The following VAC14 variants were observed in gnomAD, a reference collection of about 807,000 sequenced individuals.
VAC14 encodes protein VAC14 homolog.
A neutral mutation model predicts 85.3 loss-of-function variants in VAC14; 47 were observed. The observed-to-expected ratio is 0.55, with a 90% CI of 0.44 to 0.70. VAC14 has a LOEUF of 0.70. Ranked by LOEUF, VAC14 falls within the 30% of genes least tolerant of loss-of-function variation. The pLI is 0.00. For synonymous variants in VAC14, 447 were observed against 430.5 expected (o/e 1.04, Z -0.47); for missense variants, 861 against 1,004.3 (o/e 0.86, Z 1.93).
intron 13 of VAC14, among the ~76,000 whole-genome samples, chr16:70,734,652 T>C (rs960473265): frequency 6.6e-6 from 1 of 152,172 alleles, no homozygotes; most frequent in African/African-American, 2.4e-5. Context: ...CTTTTGCATA[T>C]GGATATCTAA....
At chr16:70,702,242 C>T (rs548231712) in intron 14 of VAC14, among the ~76,000 whole-genome samples, 1 of 152,324 alleles carries the variant, frequency 6.6e-6, no homozygotes, top group African/African-American at 2.4e-5. Context: ...CAGGCCAAGC[C>T]CTGCCCAGAT....
chr16:70,690,757 G>A (rs932765364), intron 18 of VAC14: 2 of 985,352 alleles, frequency 2.0e-6, no homozygotes, highest in Non-Finnish European at 2.4e-6. Context: ...CGTCCTCTGG[G>A]CCCCACCCTG....
intron 9 of VAC14, chr16:70,772,943 A>G (rs1352803829): frequency 6.6e-6 from 1 of 152,240 alleles, no homozygotes; most frequent in Admixed American, 6.5e-5. Context: ...TGAACTTTAA[A>G]AACATTGTGT....
At chr16:70,763,294 A>C (rs1019020056) in intron 10 of VAC14, among the ~76,000 whole-genome samples, 2 of 152,126 alleles carry the variant, frequency 1.3e-5, no homozygotes, top group Non-Finnish European at 2.9e-5. Flanking sequence ...GAACCATGAT[A>C]ACCATGTTTT....
intron 10 of VAC14, chr16:70,771,778 G>A (rs1597984471): frequency 1.4e-5 from 3 of 217,234 alleles, no homozygotes; most frequent in East Asian, 2.1e-4. Flanking sequence ...ACAGGGTCTC[G>A]CCATGTTGCC....
intron 12 of VAC14, among the ~76,000 whole-genome samples, chr16:70,757,838 T>C (rs2031994219): frequency 6.6e-6 from 1 of 152,214 alleles, no homozygotes; most frequent in Non-Finnish European, 1.5e-5. Flanking sequence ...ATTTCATCCT[T>C]ATAACAAACC....
chr16:70,784,520 A>G (rs531293023), intron 4 of VAC14, among the ~76,000 whole-genome samples: 32 of 152,324 alleles, frequency 2.1e-4, no homozygotes, highest in African/African-American at 7.7e-4. Context: ...AGAGGTGTGG[A>G]AAGTGACAGG....
chr16:70,786,022 G>A lies in VAC14; in HGVS notation c.256-153C>T, dbSNP rs1193196327. ...AGACCCTTCCCAAGCCTCATTCCCA[G>A]GAGAGGGCCCATGCCTAGGGGACCA... On this transcript the variant is annotated intron_variant, in intron 2 of 18. Transcript: ENST00000261776. 4.5e-6 allele frequency: 6 copies of A among 1,327,946 alleles called. No individual in the cohort carries two copies. In the Admixed American group the frequency reaches 1.5e-4, roughly 34 times the overall value. 82.3% of individuals were successfully genotyped at this position (1,327,946 alleles called of 1,614,324 possible).
chr16:70,798,830 C>T (rs554385792), intron 1 of VAC14, among the ~76,000 whole-genome samples: 3 of 152,212 alleles, frequency 2.0e-5, no homozygotes, highest in Admixed American at 6.5e-5. Flanking sequence ...TATTTCCCCA[C>T]CGAAAATGTA....
chr16:70,756,726 G>T (rs1333527609), intron 12 of VAC14, among the ~76,000 whole-genome samples: 1 of 152,118 alleles, frequency 6.6e-6, no homozygotes. Flanking sequence ...GAGGCACCGG[G>T]CCACCTTGGA....
In VAC14 at chr16:70,783,063, T is replaced by C; in HGVS notation, c.781A>G (p.Asn261Asp). 1.9e-6 allele frequency: 3 copies of C among 1,614,202 alleles called. No individual in the cohort carries two copies. Among genetic ancestry groups the C allele is most frequent in the East Asian group, 2.2e-5 (1 of 44,884 alleles). Residue 261 changes from asparagine (N) to aspartate (D), a missense_variant, in exon 7 of 19, where the codon AAC becomes GAC. Asn to Asp is a conservative substitution (Grantham distance 23). This residue lies in a region of VAC14 where 629 missense variants were observed against 703.1 expected (regional missense o/e 0.89). Coordinates refer to ENST00000261776, the MANE Select transcript of VAC14 (RefSeq NM_018052.5). Reference protein sequence around the residue: ...PSSVKFAEMANILVIHCQTTD... With the variant: ...PSSVKFAEMADILVIHCQTTD... ...GTCTGGCAGTGGATCACCAGGATGT[T>C]GGCCATCTCAGCAAACTTCACACTG...
At chr16:70,745,755 G>A (rs1262892405) in intron 12 of VAC14, among the ~76,000 whole-genome samples, 3 of 152,214 alleles carry the variant, frequency 2.0e-5, no homozygotes, top group Admixed American at 2.0e-4. Context: ...ACAAACATCA[G>A]TTGACTGGGT....
chr16:70,711,009 T>G (rs565728603), intron 14 of VAC14, among the ~76,000 whole-genome samples: 1 of 152,278 alleles, frequency 6.6e-6, no homozygotes, highest in African/African-American at 2.4e-5. Flanking sequence ...CTGGGCGCCA[T>G]GCGCATGGCT....
chr16:70,726,395 G>A (rs372787643), intron 14 of VAC14, among the ~76,000 whole-genome samples: 1 of 152,182 alleles, frequency 6.6e-6, no homozygotes, highest in South Asian at 2.1e-4. Flanking sequence ...CATCCCCTCA[G>A]GGGTGTGGTT....
At chr16:70,799,044 T>C (rs2034658858) in intron 1 of VAC14, among the ~76,000 whole-genome samples, 1 of 152,212 alleles carries the variant, frequency 6.6e-6, no homozygotes. Context: ...TACAGAACTG[T>C]GTGCAGAGTG....
chr16:70,796,166 T>C (rs2034537141), intron 1 of VAC14, among the ~76,000 whole-genome samples: 1 of 152,226 alleles, frequency 6.6e-6, no homozygotes, highest in South Asian at 2.1e-4. Flanking sequence ...GCAAAAGTTC[T>C]CCAGAACTTT....
Position 70,750,227 on chromosome 16 carries a change from G to A in VAC14, c.1372-5648C>T, listed in dbSNP as rs555359284. Among the ~76,000 whole-genome samples the A allele has an allele frequency of 8.5e-5, 13 of 152,342 alleles. No homozygotes were observed. The East Asian group carries it at 2.3e-3, about 27-fold the overall frequency. Reference sequence around the variant, plus strand: ...TCCTTCCAGTGAGCAGGCTGGCTGGGCCTGTAGTCCTGGCTCTGACGATGA... The same window carrying A: ...TCCTTCCAGTGAGCAGGCTGGCTGGACCTGTAGTCCTGGCTCTGACGATGA... On this transcript the variant is annotated intron_variant, in intron 12 of 18. Transcript: ENST00000261776.
chr16:70,784,916 TC>T, intron 3 of VAC14, 78 bp from the exon 4 acceptor site: 5 of 1,329,124 alleles, frequency 3.8e-6, no homozygotes, highest in Non-Finnish European at 5.4e-6. Context: ...TTCCTGCAAA[TC>T]CGCAGCCGAG....
At chr16:70,779,792 T>A (rs2033715516) in intron 9 of VAC14, among the ~76,000 whole-genome samples, 1 of 152,084 alleles carries the variant, frequency 6.6e-6, no homozygotes, top group African/African-American at 2.4e-5. Flanking sequence ...CTAGATTACA[T>A]CTGGAGTCAA....
Sources: allele counts gnomAD v4.1 joint callset (sites outside exome capture counted in the v4.1 genomes callset), GRCh38; gene constraint gnomAD v4.1.1; regional missense constraint gnomAD v4.1.1; transcripts MANE v1.5; gene names NCBI Gene and HGNC (gene_info 2026-07-23, HGNC 2026-07-21).